CADM2: variants seen among roughly 807,000 people sequenced by gnomAD.
CADM2 encodes immunoglobulin superfamily member 4D.
In CADM2, 12 loss-of-function variants were observed where a neutral mutation model predicts 49.8. The observed-to-expected ratio is 0.24, with a 90% CI of 0.15 to 0.39. CADM2 has a LOEUF of 0.39. Among genes scored for constraint, CADM2 ranks in the 10% least tolerant of loss-of-function variants. The probability of loss-of-function intolerance (pLI) is 1.00; values close to 1 mark genes in which losing one functional copy is unlikely to be tolerated. For synonymous variants in CADM2, 214 were observed against 175.4 expected, an observed-to-expected ratio of 1.22 and a Z score of -1.74; for missense variants, 378 against 492.3, an observed-to-expected ratio of 0.77 and a Z score of 2.20.
chr3:85,061,189 T>C (rs944130903), intron 1 of CADM2, among the ~76,000 whole-genome samples: 11 of 152,134 alleles, frequency 7.2e-5, no homozygotes, highest in African/African-American at 2.4e-4. Flanking sequence ...ATCTCCAGCA[T>C]AGTATTTATT....
chr3:85,313,665 A>C (rs1431495742), intron 1 of CADM2, among the ~76,000 whole-genome samples: 5 of 152,184 alleles, frequency 3.3e-5, no homozygotes, highest in Non-Finnish European at 7.3e-5. Context: ...CAGTGATTTA[A>C]TGAAAACCTA....
At chr3:85,465,934 A>G (rs1425766305) in intron 1 of CADM2, among the ~76,000 whole-genome samples, 3 of 152,230 alleles carry the variant, frequency 2.0e-5, no homozygotes, top group Non-Finnish European at 2.9e-5. Flanking sequence ...AAGAATTGCT[A>G]TCATATGAAG....
At chr3:85,277,679 T>C (rs1249559513) in intron 1 of CADM2, among the ~76,000 whole-genome samples, 3 of 151,438 alleles carry the variant, frequency 2.0e-5, no homozygotes, top group Non-Finnish European at 4.4e-5. Context: ...GTGCAATCAG[T>C]AAATTGTATT....
At chr3:85,083,856 A>G (rs1419650176) in intron 1 of CADM2, among the ~76,000 whole-genome samples, 2 of 152,162 alleles carry the variant, frequency 1.3e-5, no homozygotes, top group African/African-American at 4.8e-5. Flanking sequence ...CATGTATTCT[A>G]CAGAAACAGA....
intron 1 of CADM2, among the ~76,000 whole-genome samples, chr3:85,569,414 T>C (rs979171037): frequency 1.3e-5 from 2 of 152,180 alleles, no homozygotes; most frequent in Non-Finnish European, 2.9e-5. Context: ...TATGAATATT[T>C]GTGTGCAACT....
intron 8 of CADM2, among the ~76,000 whole-genome samples, chr3:86,040,834 A>T (rs1386007159): frequency 6.6e-6 from 1 of 152,188 alleles, no homozygotes; most frequent in Non-Finnish European, 1.5e-5. Flanking sequence ...CCAGAGAGAA[A>T]GGTCGGGTTA....
At chr3:85,357,760 T>C (rs1362799855) in intron 1 of CADM2, among the ~76,000 whole-genome samples, 2 of 152,092 alleles carry the variant, frequency 1.3e-5, no homozygotes, top group African/African-American at 4.8e-5. Context: ...CTTCAAGAAA[T>C]ACTAAGTAAA....
At chr3:85,731,207 G>A (rs937718377) in intron 2 of CADM2, among the ~76,000 whole-genome samples, 6 of 152,148 alleles carry the variant, frequency 3.9e-5, no homozygotes, top group Non-Finnish European at 8.8e-5. Context: ...TGAAAGGCAT[G>A]TAAGAGGCTG....
intron 1 of CADM2, among the ~76,000 whole-genome samples, chr3:85,304,779 GCAGTT>G (rs2044176206): frequency 6.6e-6 from 1 of 151,542 alleles, no homozygotes; most frequent in Non-Finnish European, 1.5e-5. Flanking sequence ...TCACTCCTTG[GCAGTT>G]CACATATATT....
At chr3:85,992,047 T>G (rs2108706658) in intron 8 of CADM2, 1 of 151,890 alleles carries the variant, frequency 6.6e-6, no homozygotes, top group East Asian at 1.9e-4. Flanking sequence ...TTCCAAAAAG[T>G]TTTCGCTTCT....
chr3:85,948,450 A>G (rs1270460034), intron 7 of CADM2, among the ~76,000 whole-genome samples: 1 of 151,408 alleles, frequency 6.6e-6, no homozygotes, highest in Non-Finnish European at 1.5e-5. Flanking sequence ...CTTGACTATC[A>G]TTTCTGCATA....
intron 2 of CADM2, among the ~76,000 whole-genome samples, chr3:85,750,659 T>C: frequency 6.6e-6 from 1 of 152,116 alleles, no homozygotes; most frequent in Non-Finnish European, 1.5e-5. Flanking sequence ...GGCATTTTTA[T>C]TAAAATGAGT....
At chr3:85,433,252 A>G (rs2036769341) in intron 1 of CADM2, among the ~76,000 whole-genome samples, 1 of 152,118 alleles carries the variant, frequency 6.6e-6, no homozygotes, top group African/African-American at 2.4e-5. Flanking sequence ...ATGCCTAGGG[A>G]ATATCAAATG....
chr3:86,017,755 G>A (rs1732480238), intron 8 of CADM2, among the ~76,000 whole-genome samples: 1 of 150,288 alleles, frequency 6.7e-6, no homozygotes, highest in South Asian at 2.1e-4. Flanking sequence ...AGAAAAAGAA[G>A]AAGAAAGGGA....
rs922234028 is a variant in CADM2, at chr3:85,051,838, A to G, written c.61+92170A>G. 4.4e-4 allele frequency among the ~76,000 whole-genome samples: 67 copies of G among 152,036 alleles called. 2 individuals carry two copies. Among genetic ancestry groups the G allele is most frequent in the Non-Finnish European group, 1.8e-4 (12 of 67,980 alleles). On this transcript the variant is annotated intron_variant, in intron 1 of 9. Coordinates refer to ENST00000383699, the MANE Select transcript of CADM2 (RefSeq NM_001167675.2). ...AAAACGGGGCATTGGGCCTGGGGGG[A>G]AGTAAAGCTAAGAAATTATTTCTGT...
intron 3 of CADM2, among the ~76,000 whole-genome samples, chr3:85,871,726 C>T (rs888498842): frequency 6.6e-6 from 1 of 152,142 alleles, no homozygotes; most frequent in Non-Finnish European, 1.5e-5. Context: ...TCATCATCAT[C>T]ATGTGATTTT....
At chr3:85,286,318 G>A (rs758222669) in intron 1 of CADM2, among the ~76,000 whole-genome samples, 2 of 152,190 alleles carry the variant, frequency 1.3e-5, no homozygotes, top group South Asian at 2.1e-4. Flanking sequence ...TTCAACATTC[G>A]TAAGAGGAGA....
chr3:85,383,651 G>C (rs913196042), intron 1 of CADM2, among the ~76,000 whole-genome samples: 1 of 148,604 alleles, frequency 6.7e-6, no homozygotes, highest in Admixed American at 6.7e-5. Context: ...TTCCTCCCAA[G>C]GTTAACCAGT....
chr3:85,345,850 T>C (rs971933983), intron 1 of CADM2, among the ~76,000 whole-genome samples: 1 of 152,216 alleles, frequency 6.6e-6, no homozygotes, highest in African/African-American at 2.4e-5. Context: ...TTTTTGTGTG[T>C]GAAAAATATT....
Sources: gnomAD v4.1 joint callset for allele counts (sites outside exome capture counted in the v4.1 genomes callset) on GRCh38, gnomAD v4.1.1 for gene constraint, MANE v1.5 for transcripts, NCBI Gene and HGNC (gene_info 2026-07-23, HGNC 2026-07-21) for gene names.